Variants in ROBO2 observed in about 807,000 individuals in gnomAD.
ROBO2 encodes the protein roundabout guidance receptor 2.
Under a neutral mutation model 160.8 loss-of-function variants are expected in ROBO2, and 53 were observed. The ratio of observed to expected loss-of-function variants is 0.33; its 90% CI spans 0.26 to 0.41. ROBO2 has a LOEUF of 0.41. Among genes scored for constraint, ROBO2 ranks in the 10% least tolerant of loss-of-function variants. ROBO2 has a pLI of 1.00. For synonymous variants in ROBO2, 664 were observed against 611.7 expected (o/e 1.09, Z -1.26); for missense variants, 1,577 against 1,722.4 (o/e 0.92, Z 1.49).
intron 2 of ROBO2, among the ~76,000 whole-genome samples, chr3:76,465,733 A>G (rs187026220): frequency 3.5e-4 from 53 of 152,090 alleles, no homozygotes; most frequent in African/African-American, 1.3e-3. Context: ...TTTCCAGTCT[A>G]TTTCACAGGA....
chr3:77,119,431 T>C (rs2150249506), intron 2 of ROBO2, among the ~76,000 whole-genome samples: 1 of 152,318 alleles, frequency 6.6e-6, no homozygotes, highest in East Asian at 1.9e-4. Flanking sequence ...TTACATGGTG[T>C]ATGACTGTAT....
intron 2 of ROBO2, among the ~76,000 whole-genome samples, chr3:76,755,935 C>T (rs1453190238): frequency 6.6e-6 from 1 of 151,718 alleles, no homozygotes; most frequent in African/African-American, 2.4e-5. Context: ...AGATACTACC[C>T]TACTCACCTA....
intron 2 of ROBO2, among the ~76,000 whole-genome samples, chr3:77,250,814 G>A (rs2090259030): frequency 6.6e-6 from 1 of 152,022 alleles, no homozygotes; most frequent in African/African-American, 2.4e-5. Context: ...TTTTTATCAG[G>A]AACTGACTCC....
intron 2 of ROBO2, among the ~76,000 whole-genome samples, chr3:76,987,285 A>C (rs927279003): frequency 3.3e-5 from 5 of 152,190 alleles, no homozygotes; most frequent in Admixed American, 1.3e-4. Context: ...GGCCTTTTAC[A>C]AAGAACATGC....
intron 2 of ROBO2, among the ~76,000 whole-genome samples, chr3:76,533,331 C>T (rs1186143572): frequency 6.6e-6 from 1 of 152,146 alleles, no homozygotes; most frequent in Admixed American, 6.5e-5. Context: ...GCTCAGCATA[C>T]CTGTGCCATT....
At chr3:76,399,983 A>G (rs954263026) in intron 2 of ROBO2, among the ~76,000 whole-genome samples, 1 of 151,712 alleles carries the variant, frequency 6.6e-6, no homozygotes, top group Non-Finnish European at 1.5e-5. Context: ...GGTGTGAGAA[A>G]TAGATGAATG....
chr3:76,300,664 T>C (rs1709310517), intron 2 of ROBO2, among the ~76,000 whole-genome samples: 1 of 152,038 alleles, frequency 6.6e-6, no homozygotes, highest in African/African-American at 2.4e-5. Flanking sequence ...GTGTATAAAT[T>C]GTACTATTAA....
At chr3:77,021,314 C>T (rs1368735059) in intron 2 of ROBO2, among the ~76,000 whole-genome samples, 3 of 152,084 alleles carry the variant, frequency 2.0e-5, no homozygotes, top group Non-Finnish European at 2.9e-5. Flanking sequence ...TCTTCCTGAC[C>T]TTCTCCTACC....
chr3:76,468,185 G>A (rs903965542), intron 2 of ROBO2, among the ~76,000 whole-genome samples: 4 of 152,084 alleles, frequency 2.6e-5, no homozygotes, highest in Non-Finnish European at 5.9e-5. Flanking sequence ...AGCCTGAAAA[G>A]GGTTAAGTAA....
intron 2 of ROBO2, among the ~76,000 whole-genome samples, chr3:77,422,404 C>T (rs767361711): frequency 5.3e-5 from 8 of 152,100 alleles, no homozygotes; most frequent in Non-Finnish European, 1.0e-4. Context: ...TCATGGTTAT[C>T]TTTGCATCCC....
intron 2 of ROBO2, among the ~76,000 whole-genome samples, chr3:76,690,320 T>C (rs910843913): frequency 2.0e-5 from 3 of 152,036 alleles, no homozygotes; most frequent in Non-Finnish European, 4.4e-5. Context: ...ACCAATGTTA[T>C]CGTATTAAGA....
At chr3:76,972,532 TATATAA>T (rs1374577162) in intron 2 of ROBO2, among the ~76,000 whole-genome samples, 1 of 152,054 alleles carries the variant, frequency 6.6e-6, no homozygotes, top group Admixed American at 6.6e-5. Context: ...ATAGATTATA[TATATAA>T]ATATAAGTGA....
rs143150844 is a variant in ROBO2, at chr3:76,672,042, T to C, written c.110-425972T>C. 2.5e-3 allele frequency among the ~76,000 whole-genome samples: 387 copies of C among 152,220 alleles called. 1 individual carries two copies. The highest frequency in any genetic ancestry group is 8.8e-3 in the African/African-American group (365 of 41,546). On this transcript the variant is annotated intron_variant, in intron 2 of 26. Transcript: ENST00000487694. The stretch of plus-strand genomic sequence containing the variant: ...TATAATTTGTGATTAAGATGGTCTA[T>C]GAATAAGTGACCCTAAAAACATTAC...
At chr3:77,401,418 A>C (rs2075788249) in intron 2 of ROBO2, among the ~76,000 whole-genome samples, 1 of 152,078 alleles carries the variant, frequency 6.6e-6, no homozygotes, top group African/African-American at 2.4e-5. Context: ...TTTTATGTGA[A>C]TTTTCATATA....
At chr3:76,126,509 C>T (rs1336966492) in intron 2 of ROBO2, among the ~76,000 whole-genome samples, 1 of 152,064 alleles carries the variant, frequency 6.6e-6, no homozygotes, top group African/African-American at 2.4e-5. Context: ...ACCTGGATTA[C>T]TATCAAGAAA....
intron 2 of ROBO2, among the ~76,000 whole-genome samples, chr3:76,355,930 C>G (rs1306217330): frequency 1.3e-5 from 2 of 151,752 alleles, no homozygotes; most frequent in African/African-American, 2.4e-5. Flanking sequence ...TCACCCCTTA[C>G]AGCAGCAGCC....
At chr3:76,142,765 G>A (rs2071724919) in intron 2 of ROBO2, among the ~76,000 whole-genome samples, 2 of 151,888 alleles carry the variant, frequency 1.3e-5, no homozygotes. Flanking sequence ...ACTATAGTCA[G>A]TAATAATTCA....
Position 76,450,370 on chromosome 3 carries a change from A to G in ROBO2, c.109+512768A>G, listed in dbSNP as rs542093584. Among the ~76,000 whole-genome samples, 12 of 152,334 alleles carry G rather than the reference A, an allele frequency of 7.9e-5. No individual in the cohort carries two copies. The South Asian group carries it at 2.3e-3, about 29-fold the overall frequency. ...CTTGTATAACTAATTTTCAGTCATA[A>G]AATTTATCTCCTCTTTTAATCAAAA... On this transcript the variant is annotated intron_variant, in intron 2 of 26. Transcript: ENST00000487694.
At chr3:76,601,220 A>T (rs2197725) in intron 2 of ROBO2, among the ~76,000 whole-genome samples, 1 of 152,166 alleles carries the variant, frequency 6.6e-6, no homozygotes, top group African/African-American at 2.4e-5. Context: ...TGAGTGCCTG[A>T]AGCTTTTCCA....
Sources: allele counts gnomAD v4.1 joint callset (sites outside exome capture counted in the v4.1 genomes callset), GRCh38; gene constraint gnomAD v4.1.1; transcripts MANE v1.5; gene names NCBI Gene and HGNC (gene_info 2026-07-23, HGNC 2026-07-21).